RBFOX1: variants seen among roughly 807,000 people sequenced by gnomAD.
RBFOX1 encodes the protein RNA binding protein fox-1 homolog 1.
Under a neutral mutation model 57.7 loss-of-function variants are expected in RBFOX1, and 8 were observed. The ratio of observed to expected loss-of-function variants is 0.14; its 90% CI spans 0.08 to 0.25. RBFOX1 has a LOEUF of 0.25. Among genes scored for constraint, RBFOX1 ranks in the 10% least tolerant of loss-of-function variants. The pLI, the probability that RBFOX1 is intolerant of heterozygous loss-of-function variation, is 1.00. For missense variants in RBFOX1, 611 were observed against 548.5 expected, an observed-to-expected ratio of 1.11 and a Z score of -1.14; for synonymous variants, 326 against 222.4, an observed-to-expected ratio of 1.47 and a Z score of -4.15.
intron 12 of RBFOX1, among the ~76,000 whole-genome samples, chr16:7,661,459 C>A (rs2067703706): frequency 6.6e-6 from 1 of 152,190 alleles, no homozygotes; most frequent in African/African-American, 2.4e-5. Flanking sequence ...CAGCACTTCA[C>A]TCCTCTCTAC....
At chr16:7,501,516 C>G (rs886275652) in intron 4 of RBFOX1, among the ~76,000 whole-genome samples, 4 of 152,194 alleles carry the variant, frequency 2.6e-5, no homozygotes, top group Non-Finnish European at 4.4e-5. Context: ...CTTTTGAGAG[C>G]TTTACAATCC....
chr16:7,643,081 A>T (rs548414415), intron 11 of RBFOX1, among the ~76,000 whole-genome samples: 1 of 152,378 alleles, frequency 6.6e-6, no homozygotes, highest in South Asian at 2.1e-4. Context: ...GAGGAAAGAT[A>T]CAACAGCTAA....
rs530615814 is a variant in RBFOX1, at chr16:5,960,250, A to T, written c.351+92915A>T. ...GAATAAGAGGAAGTCAGCACTTACT[A>T]AGCCCTTTTATCTATATTATTTCAC... On this transcript the variant is annotated intron_variant, in intron 4 of 19. Coordinates refer to the RBFOX1 transcript ENST00000641259. Among the ~76,000 whole-genome samples, 146 of 152,312 alleles carry T rather than the reference A, an allele frequency of 9.6e-4. 1 individual carries two copies. The highest frequency in any genetic ancestry group is 1.8e-3 in the Admixed American group (28 of 15,294).
chr16:6,629,975 A>T (rs1235370861), intron 2 of RBFOX1, among the ~76,000 whole-genome samples: 55 of 120,428 alleles, frequency 4.6e-4, no homozygotes, highest in African/African-American at 1.6e-3. Context: ...TTTTTTTTTA[A>T]AAAAAAAAAA....
chr16:7,415,618 A>G (rs1364497337), intron 4 of RBFOX1, among the ~76,000 whole-genome samples: 1 of 152,172 alleles, frequency 6.6e-6, no homozygotes, highest in African/African-American at 2.4e-5. Flanking sequence ...TATTAAGAAC[A>G]CAGTAGGTTC....
chr16:6,170,481 A>T (rs2096952192), intron 1 of RBFOX1, among the ~76,000 whole-genome samples: 1 of 152,210 alleles, frequency 6.6e-6, no homozygotes, highest in Non-Finnish European at 1.5e-5. Context: ...TGTTATGCGT[A>T]ATAAGTGTGA....
intron 1 of RBFOX1, among the ~76,000 whole-genome samples, chr16:6,024,755 A>G (rs1318498194): frequency 6.6e-6 from 1 of 152,192 alleles, no homozygotes; most frequent in Non-Finnish European, 1.5e-5. Flanking sequence ...AAGTGCTAGG[A>G]TTACAGGCGT....
intron 4 of RBFOX1, among the ~76,000 whole-genome samples, chr16:7,155,959 G>T (rs1045139859): frequency 6.6e-5 from 10 of 151,208 alleles, no homozygotes; most frequent in African/African-American, 2.4e-4. Flanking sequence ...TTTTCCAGGA[G>T]CCAAAATAAC....
chr16:7,049,543 C>T (rs1055690596), intron 3 of RBFOX1, among the ~76,000 whole-genome samples: 1 of 152,142 alleles, frequency 6.6e-6, no homozygotes, highest in Non-Finnish European at 1.5e-5. Context: ...AAGACAAAAC[C>T]AGAGTGCTTC....
chr16:5,760,007 T>TAAAA, intron 3 of RBFOX1, among the ~76,000 whole-genome samples: 1 of 142,376 alleles, frequency 7.0e-6, no homozygotes, highest in Non-Finnish European at 1.5e-5. Context: ...CCCACTGGGT[T>TAAAA]AAAAAAAAAA....
intron 1 of RBFOX1, among the ~76,000 whole-genome samples, chr16:6,131,844 A>G (rs1040976978): frequency 6.6e-5 from 10 of 151,848 alleles, no homozygotes; most frequent in African/African-American, 2.4e-4. Flanking sequence ...TTCTCCTGCC[A>G]CTCTCTGGCT....
chr16:6,997,351 A>G (rs1475410477), intron 3 of RBFOX1, among the ~76,000 whole-genome samples: 1 of 152,208 alleles, frequency 6.6e-6, no homozygotes, highest in Admixed American at 6.5e-5. Flanking sequence ...CAGCAAAACC[A>G]ATGACTTAAA....
intron 3 of RBFOX1, among the ~76,000 whole-genome samples, chr16:6,786,612 T>G (rs550505594): frequency 8.1e-4 from 124 of 152,260 alleles, no homozygotes; most frequent in Non-Finnish European, 1.1e-3. Context: ...CCCCTGATCC[T>G]TATGAAGGGG....
intron 2 of RBFOX1, among the ~76,000 whole-genome samples, chr16:5,555,973 G>A (rs1445315708): frequency 1.3e-5 from 2 of 152,048 alleles, no homozygotes; most frequent in Non-Finnish European, 2.9e-5. Flanking sequence ...GCGAGCTGAG[G>A]TCATGCCATT....
chr16:7,416,078 T>C (rs1163464315), intron 4 of RBFOX1, among the ~76,000 whole-genome samples: 1 of 152,176 alleles, frequency 6.6e-6, no homozygotes, highest in East Asian at 1.9e-4. Flanking sequence ...TTCTTTCTTA[T>C]TAAACCTCCA....
In RBFOX1 at chr16:5,504,770, G is replaced by T. The variant is rs577825592; in HGVS notation, c.258+37516G>T. On this transcript the variant is annotated intron_variant, in intron 2 of 2. Transcript: ENST00000585867. ...CTCACCAGCCCCACCTTCAGAGGAG[G>T]ATGCGGAGGCTTGGGAAGACCAAGG... Among the ~76,000 whole-genome samples, 180 of 152,336 alleles carry T rather than the reference G, an allele frequency of 1.2e-3. 1 individual carries two copies. Among genetic ancestry groups the T allele is most frequent in the African/African-American group, 4.1e-3 (172 of 41,566 alleles).
intron 3 of RBFOX1, among the ~76,000 whole-genome samples, chr16:6,861,823 GTTTTT>G (rs35138717): frequency 1.1e-4 from 10 of 92,454 alleles, no homozygotes; most frequent in Non-Finnish European, 1.9e-5. Flanking sequence ...GCGTCCCTTG[GTTTTT>G]TTTTTTTTTT....
At chr16:6,723,081 G>A (rs531201607) in intron 3 of RBFOX1, among the ~76,000 whole-genome samples, 1 of 152,344 alleles carries the variant, frequency 6.6e-6, no homozygotes, top group African/African-American at 2.4e-5. Flanking sequence ...AATGTCCCAT[G>A]AGTGGTGATG....
chr16:7,242,894 C>T (rs1013072942), intron 4 of RBFOX1, among the ~76,000 whole-genome samples: 1 of 152,090 alleles, frequency 6.6e-6, no homozygotes, highest in Non-Finnish European at 1.5e-5. Flanking sequence ...GCAAGCAGTG[C>T]CTCTCGACAT....
Sources: allele counts gnomAD v4.1 joint callset (sites outside exome capture counted in the v4.1 genomes callset), GRCh38; gene constraint gnomAD v4.1.1; transcripts MANE v1.5; gene names NCBI Gene and HGNC (gene_info 2026-07-23, HGNC 2026-07-21).